Variants in SLC7A2 observed in about 807,000 individuals in gnomAD.
SLC7A2 encodes the protein solute carrier family 7 member 2.
A neutral mutation model predicts 58.9 loss-of-function variants in SLC7A2; 48 were observed. That is an observed-to-expected ratio of 0.82 (90% CI 0.65 to 1.04). The LOEUF (loss-of-function observed/expected upper bound fraction) is 1.04, where lower values mean the gene tolerates loss of function less well. Among genes scored for constraint, SLC7A2 ranks in the 50% least tolerant of loss-of-function variants. The pLI, the probability that SLC7A2 is intolerant of heterozygous loss-of-function variation, is 0.00. For missense variants in SLC7A2, 1,029 were observed against 818.8 expected (o/e 1.26, Z -3.13); for synonymous variants, 363 against 314.5 (o/e 1.15, Z -1.63).
chr8:17,521,121 T>A (rs940560407), intron 2 of SLC7A2, among the ~76,000 whole-genome samples: 3 of 152,072 alleles, frequency 2.0e-5, no homozygotes, highest in African/African-American at 4.8e-5. Flanking sequence ...CTTCTACTAT[T>A]TTTTTTGGTA....
intron 6 of SLC7A2, 138 bp from the exon 7 acceptor site, chr8:17,551,626 A>G (rs1443912619): frequency 2.9e-6 from 2 of 681,918 alleles, no homozygotes; most frequent in Non-Finnish European, 5.1e-6. Context: ...ATGAAATAAA[A>G]TAGATGGACC....
chr8:17,553,134 G>T (rs1220906745), intron 7 of SLC7A2, among the ~76,000 whole-genome samples: 1 of 152,126 alleles, frequency 6.6e-6, no homozygotes, highest in Non-Finnish European at 1.5e-5. Context: ...GTTCACTGAG[G>T]CTCGAACTCC....
chr8:17,515,723 C>G (rs534020733), intron 2 of SLC7A2, among the ~76,000 whole-genome samples: 1 of 152,238 alleles, frequency 6.6e-6, no homozygotes, highest in East Asian at 1.9e-4. Context: ...ATGGGCTAAG[C>G]CTTACTTTTC....
intron 8 of SLC7A2, 34 bp downstream of exon 8, chr8:17,554,733 G>A: frequency 1.9e-6 from 3 of 1,584,296 alleles, no homozygotes; most frequent in Non-Finnish European, 2.6e-6. Context: ...CAGAAACGGG[G>A]GATCTTTTTC....
rs1310872706 is a variant in SLC7A2, at chr8:17,565,426, G to C, written c.*280G>C. The C allele has an allele frequency of 3.4e-6, 1 of 297,282 alleles. No homozygotes were observed. 18.4% of individuals were successfully genotyped at this position (297,282 alleles called of 1,614,324 possible). On this transcript the variant is annotated 3_prime_UTR_variant, in exon 13 of 13. Transcript: ENST00000494857. ...TGTATGTATCTATGTATATGCTTGG[G>C]AACATGAGTGTTACAAGTTAGCTGG... is the stretch of plus-strand genomic sequence containing the variant.
At chr8:17,540,229 C>G (rs1801852351) in intron 2 of SLC7A2, among the ~76,000 whole-genome samples, 1 of 152,158 alleles carries the variant, frequency 6.6e-6, no homozygotes, top group Non-Finnish European at 1.5e-5. Flanking sequence ...TCATTATAGT[C>G]CTACAAAATT....
intron 2 of SLC7A2, among the ~76,000 whole-genome samples, chr8:17,526,012 C>G (rs1340449927): frequency 6.6e-6 from 1 of 152,112 alleles, no homozygotes; most frequent in African/African-American, 2.4e-5. Flanking sequence ...GACTCAATCT[C>G]TATACCCTAG....
intron 2 of SLC7A2, among the ~76,000 whole-genome samples, chr8:17,541,888 C>A (rs1390971954): frequency 6.6e-6 from 1 of 152,062 alleles, no homozygotes; most frequent in African/African-American, 2.4e-5. Flanking sequence ...AACTAATATT[C>A]ACACCTTGTT....
intron 2 of SLC7A2, among the ~76,000 whole-genome samples, chr8:17,524,850 G>T (rs1801161091): frequency 2.0e-5 from 3 of 151,866 alleles, no homozygotes; most frequent in Non-Finnish European, 4.4e-5. Flanking sequence ...GAGCCAGTGT[G>T]CAATCAGGAG....
Position 17,543,623 on chromosome 8 carries a change from A to G in SLC7A2, c.284A>G (p.Lys95Arg), listed in dbSNP as rs1206492248. ...CYAEFGARVPKTGSAYLYTYV... is the reference protein window; with the variant it reads ...CYAEFGARVPRTGSAYLYTYV... ...GCCGAATTTGGGGCCCGTGTTCCCA[A>G]GACGGGGTCTGCATATTTGTACACC... Residue 95 changes from lysine (K) to arginine (R), a missense_variant, in exon 3 of 13, where the codon AAG (lysine) becomes AGG (arginine). Coordinates refer to ENST00000494857, the MANE Select transcript of SLC7A2 (RefSeq NM_001370338.1). 1 of 1,594,968 alleles carries G rather than the reference A, an allele frequency of 6.3e-7. No homozygotes were observed. The highest frequency in any genetic ancestry group is 2.2e-5 in the East Asian group (1 of 44,784).
At chr8:17,535,815 A>G (rs1375202214) in intron 2 of SLC7A2, among the ~76,000 whole-genome samples, 1 of 152,118 alleles carries the variant, frequency 6.6e-6, no homozygotes, top group Non-Finnish European at 1.5e-5. Flanking sequence ...AGGCAGGAGA[A>G]TCGCTTGAAC....
chr8:17,541,323 ATTGATAAACAT>A (rs1182699972), intron 2 of SLC7A2, among the ~76,000 whole-genome samples: 1 of 152,220 alleles, frequency 6.6e-6, no homozygotes, highest in Admixed American at 6.5e-5. Context: ...AGTGGTAGAA[ATTGATAAACAT>A]TTGATTTATG....
intron 5 of SLC7A2, among the ~76,000 whole-genome samples, chr8:17,549,509 T>C (rs1488605859): frequency 2.0e-5 from 3 of 152,132 alleles, no homozygotes; most frequent in Non-Finnish European, 2.9e-5. Flanking sequence ...CTTGATCTTT[T>C]CCCCCCAGCA....
At chr8:17,529,269 CAT>C (rs1469478377) in intron 2 of SLC7A2, among the ~76,000 whole-genome samples, 1 of 152,148 alleles carries the variant, frequency 6.6e-6, no homozygotes, top group African/African-American at 2.4e-5. Context: ...TACGTACAAC[CAT>C]CTCTTCCCTT....
At chr8:17,551,473 C>T (rs996999590) in intron 6 of SLC7A2, among the ~76,000 whole-genome samples, 3 of 151,910 alleles carry the variant, frequency 2.0e-5, no homozygotes, top group African/African-American at 2.4e-5. Flanking sequence ...GGCGCACACC[C>T]GTGGTCCCAG....
intron 2 of SLC7A2, among the ~76,000 whole-genome samples, chr8:17,508,147 C>G (rs1208228095): frequency 2.0e-5 from 3 of 151,150 alleles, no homozygotes; most frequent in African/African-American, 7.3e-5. Flanking sequence ...TCATAGATAA[C>G]AGATGGTTTG....
chr8:17,534,045 G>C (rs1159808718), intron 2 of SLC7A2, among the ~76,000 whole-genome samples: 1 of 152,126 alleles, frequency 6.6e-6, no homozygotes, highest in Non-Finnish European at 1.5e-5. Context: ...TTATTTTGCT[G>C]AGGATAATGG....
At chr8:17,546,212 C>T (rs1357520028) in intron 4 of SLC7A2, among the ~76,000 whole-genome samples, 2 of 152,136 alleles carry the variant, frequency 1.3e-5, no homozygotes, top group Non-Finnish European at 2.9e-5. Flanking sequence ...CTCTAAATGA[C>T]GAAGAGCATG....
intron 2 of SLC7A2, among the ~76,000 whole-genome samples, chr8:17,535,292 G>A (rs959809681): frequency 5.3e-5 from 8 of 150,772 alleles, no homozygotes; most frequent in Admixed American, 4.0e-4. Flanking sequence ...TGTCCCCACC[G>A]CCCCCTCCCG....
Sources: gnomAD v4.1 joint callset for allele counts (sites outside exome capture counted in the v4.1 genomes callset) on GRCh38, gnomAD v4.1.1 for gene constraint, MANE v1.5 for transcripts, NCBI Gene and HGNC (gene_info 2026-07-23, HGNC 2026-07-21) for gene names.